ST7: variants seen among roughly 807,000 people sequenced by gnomAD.
ST7 encodes the protein suppression of tumorigenicity 7.
In ST7, 28 loss-of-function variants were observed where a neutral mutation model predicts 78.7. That is an observed-to-expected ratio of 0.36 (90% confidence interval 0.26 to 0.49). The LOEUF is 0.49. ST7 is among the 20% of genes least tolerant of loss of function. The pLI is 0.99. For synonymous variants in ST7, 247 were observed against 249.6 expected (o/e 0.99, Z 0.10); for missense variants, 418 against 696.0 (o/e 0.60, Z 4.49).
At chr7:117,160,295 C>T (rs143651235) in intron 9 of ST7, among the ~76,000 whole-genome samples, 2 of 151,084 alleles carry the variant, frequency 1.3e-5, no homozygotes, top group Non-Finnish European at 3.0e-5. Flanking sequence ...AATCAAATAG[C>T]CCTTTGAAAA....
chr7:117,030,608 A>G (rs1239127452), intron 1 of ST7, among the ~76,000 whole-genome samples: 1 of 152,216 alleles, frequency 6.6e-6, no homozygotes, highest in Non-Finnish European at 1.5e-5. Context: ...ACTAATCATT[A>G]GAGAAATGCC....
chr7:117,179,833 A>G (rs1808615884), intron 10 of ST7, among the ~76,000 whole-genome samples: 1 of 152,142 alleles, frequency 6.6e-6, no homozygotes, highest in East Asian at 1.9e-4. Context: ...ATACATTCAC[A>G]CCATGCCCCC....
At chr7:117,006,369 G>A (rs1795159267) in intron 1 of ST7, among the ~76,000 whole-genome samples, 1 of 152,184 alleles carries the variant, frequency 6.6e-6, no homozygotes, top group African/African-American at 2.4e-5. Flanking sequence ...TGAATGGTTT[G>A]TACCCTTTCT....
chr7:116,955,358 G>T (rs1183910615), intron 1 of ST7, among the ~76,000 whole-genome samples: 1 of 152,204 alleles, frequency 6.6e-6, no homozygotes, highest in Non-Finnish European at 1.5e-5. Flanking sequence ...TTGAGATCAA[G>T]GGACTGGCAT....
intron 1 of ST7, among the ~76,000 whole-genome samples, chr7:117,027,944 A>C (rs1796293140): frequency 6.6e-6 from 1 of 152,186 alleles, no homozygotes; most frequent in African/African-American, 2.4e-5. Flanking sequence ...CATTGAAAAT[A>C]TGATGTGTGG....
At chr7:117,052,525 C>T (rs1348894358) in intron 1 of ST7, among the ~76,000 whole-genome samples, 1 of 152,140 alleles carries the variant, frequency 6.6e-6, no homozygotes, top group Non-Finnish European at 1.5e-5. Context: ...TCACTGTAGA[C>T]AAATTGGAAA....
chr7:117,135,958 C>A, intron 7 of ST7, 123 bp from the exon 8 acceptor site: 1 of 948,942 alleles, frequency 1.1e-6, no homozygotes, highest in Non-Finnish European at 1.6e-6. Flanking sequence ...AACAGGAGTG[C>A]ATGAACCAGT....
chr7:117,096,819 A>G (rs1333930186), intron 1 of ST7, among the ~76,000 whole-genome samples: 7 of 152,186 alleles, frequency 4.6e-5, no homozygotes, highest in African/African-American at 1.7e-4. Context: ...TTATAAATGA[A>G]TAGGTTATTA....
chr7:117,020,539 C>G (rs1414986816), intron 1 of ST7: 1 of 1,538,582 alleles, frequency 6.5e-7, no homozygotes, highest in Admixed American at 2.0e-5. Context: ...ACACTCTCCT[C>G]GCTTTTCTTT....
At chr7:117,044,973 T>G (rs1797421467) in intron 1 of ST7, among the ~76,000 whole-genome samples, 1 of 152,160 alleles carries the variant, frequency 6.6e-6, no homozygotes, top group South Asian at 2.1e-4. Flanking sequence ...CTTCTCAGGT[T>G]GTGGCTGCTT....
At chr7:117,196,690 T>A (rs1810349829) in intron 12 of ST7, among the ~76,000 whole-genome samples, 1 of 148,184 alleles carries the variant, frequency 6.7e-6, no homozygotes, top group Admixed American at 6.8e-5. Flanking sequence ...GTTTTCAATA[T>A]TAACCCCTTA....
At chr7:117,188,739 TTA>T (rs1379250646) in intron 10 of ST7, among the ~76,000 whole-genome samples, 6 of 151,340 alleles carry the variant, frequency 4.0e-5, no homozygotes, top group Middle Eastern at 3.4e-3. Flanking sequence ...CCTTTAAAAG[TTA>T]TATATGTTTA....
chr7:116,959,403 T>A, intron 1 of ST7: 1 of 344,984 alleles, frequency 2.9e-6, no homozygotes, highest in Non-Finnish European at 5.7e-6. Flanking sequence ...ATGCATCTTT[T>A]TTTGTATATG....
intron 12 of ST7, among the ~76,000 whole-genome samples, chr7:117,209,087 C>T (rs1046629334): frequency 6.6e-6 from 1 of 152,130 alleles, no homozygotes; most frequent in African/African-American, 2.4e-5. Context: ...CTTTTCTCAG[C>T]CCCCGGGAAG....
chr7:117,066,764 CA>C (rs35246518), intron 1 of ST7, among the ~76,000 whole-genome samples: 21,207 of 74,816 alleles, frequency 0.28, 1,078 homozygotes, highest in Middle Eastern at 0.36. Context: ...GACTCCGTCT[CA>C]AAAAAAAAAA....
intron 9 of ST7, among the ~76,000 whole-genome samples, chr7:117,141,372 G>C (rs1805283461): frequency 6.6e-6 from 1 of 152,098 alleles, no homozygotes; most frequent in African/African-American, 2.4e-5. Flanking sequence ...AAATGAAAGG[G>C]AATTCTGGGA....
chr7:116,986,069 G>A (rs796445985), intron 1 of ST7, among the ~76,000 whole-genome samples: 8 of 152,368 alleles, frequency 5.3e-5, no homozygotes, highest in African/African-American at 1.9e-4. Flanking sequence ...CTGACCTCCA[G>A]TGATCTACCC....
At chr7:117,212,456 T>C (rs1310657208) in intron 13 of ST7, among the ~76,000 whole-genome samples, 1 of 152,226 alleles carries the variant, frequency 6.6e-6, no homozygotes, top group African/African-American at 2.4e-5. Flanking sequence ...AATTGAAATT[T>C]ACATCACTAC....
intron 5 of ST7, chr7:117,130,821 A>G (rs1804285826): frequency 7.4e-6 from 3 of 403,736 alleles, no homozygotes; most frequent in Admixed American, 4.3e-5. Context: ...AATTTGAATC[A>G]TGATTTTTAA....
Sources: allele counts gnomAD v4.1 joint callset (sites outside exome capture counted in the v4.1 genomes callset), GRCh38; gene constraint gnomAD v4.1.1; transcripts MANE v1.5; gene names NCBI Gene and HGNC (gene_info 2026-07-23, HGNC 2026-07-21).